KRT73: variants seen among roughly 807,000 people sequenced by gnomAD.
KRT73 encodes keratin 73, also known as keratin, type II cytoskeletal 73.
Under a neutral mutation model 47.2 loss-of-function variants are expected in KRT73, and 44 were observed. The observed-to-expected ratio is 0.93, with a 90% CI of 0.73 to 1.20. The LOEUF (loss-of-function observed/expected upper bound fraction) is 1.20, where lower values mean the gene tolerates loss of function less well. KRT73 is among the 50% of genes most tolerant of loss of function. The probability of loss-of-function intolerance (pLI) is 0.00; values close to 1 mark genes in which losing one functional copy is unlikely to be tolerated. For missense variants in KRT73, 713 were observed against 704.5 expected (o/e 1.01, Z -0.14); for synonymous variants, 285 against 291.3 (o/e 0.98, Z 0.22).
intron 6 of KRT73, 152 bp from the exon 7 acceptor site, chr12:52,610,987 A>T (rs1253206252): frequency 2.3e-6 from 2 of 882,486 alleles, no homozygotes; most frequent in Non-Finnish European, 3.4e-6. Flanking sequence ...TCAACCTGAG[A>T]CTGAGAGGCT....
At chr12:52,614,162 C>A in intron 4 of KRT73, 1 of 354,828 alleles carries the variant, frequency 2.8e-6, no homozygotes, top group East Asian at 5.1e-5. Flanking sequence ...CACAGGAGCC[C>A]AGAAATGCTT....
Position 52,610,726 on chromosome 12 carries a change from T to C in KRT73, c.1220A>G (p.Lys407Arg). 1 of 1,613,998 alleles carries C rather than the reference T, an allele frequency of 6.2e-7. No homozygotes were observed. Among genetic ancestry groups the C allele is most frequent in the South Asian group, 1.1e-5 (1 of 91,062 alleles). Residue 407 changes from lysine to arginine, a missense_variant, in exon 7 of 9, where the codon AAG (lysine) becomes AGG (arginine). Coordinates refer to ENST00000305748, the MANE Select transcript of KRT73 (RefSeq NM_175068.3). ...DELEGALQQA[K>R]EELARMLREY... Reference sequence around the variant, plus strand: ...GCGCAGCATCCGTGCCAGCTCCTCCTTGGCCTGCTGCAGGGCGCCCTCCAG... The same window carrying C: ...GCGCAGCATCCGTGCCAGCTCCTCCCTGGCCTGCTGCAGGGCGCCCTCCAG...
rs149885695 is a variant in KRT73 at position 52,618,295 on chromosome 12, C to T, written c.230G>A (p.Arg77Gln). Reference sequence around the variant, plus strand: ...CATGCTGCCAGCAAAGCCACTGGCCCGGCCCCGGCCAAATCCATAGCCTCC... The same window carrying T: ...CATGCTGCCAGCAAAGCCACTGGCCTGGCCCCGGCCAAATCCATAGCCTCC... ...WAGGYGFGRG[R>Q]ASGFAGSMFG... is the part of the protein sequence containing the mutation. The change falls in exon 1 of 9, where the codon CGG becomes CAG. Residue 77 changes from arginine to glutamine, a missense_variant. By Grantham distance (43) the Arg-to-Gln change is conservative (BLOSUM62 1). Coordinates refer to ENST00000305748, the MANE Select transcript of KRT73 (RefSeq NM_175068.3). 17 of 1,614,092 alleles carry T rather than the reference C, an allele frequency of 1.1e-5. No homozygotes were observed. Among genetic ancestry groups the T allele is most frequent in the African/African-American group, 1.3e-5 (1 of 74,934 alleles).
At chr12:52,625,428 A>C in the KRT73 span, among the ~76,000 whole-genome samples, 14 of 152,232 alleles carry the variant, frequency 9.2e-5, no homozygotes, top group African/African-American at 3.1e-4. Flanking sequence ...TTTAAGCCAC[A>C]ATGAGATATT....
intron 5 of KRT73, among the ~76,000 whole-genome samples, chr12:52,613,035 C>G (rs764030960): frequency 1.3e-5 from 2 of 152,184 alleles, no homozygotes; most frequent in African/African-American, 2.4e-5. Flanking sequence ...GAAAGCCTCT[C>G]TCCTCCACCA....
chr12:52,612,496 A>G (rs915101586), intron 5 of KRT73: 2 of 152,176 alleles, frequency 1.3e-5, no homozygotes, highest in Admixed American at 1.3e-4. Flanking sequence ...ATGTCAAGTT[A>G]TCCAGAAAGC....
At position 52,610,536 on chromosome 12, in the gene KRT73, C is replaced by A. The variant is rs1192943306; in HGVS notation, c.1331+79G>T. 4 of 163,052 alleles carry A rather than the reference C, an allele frequency of 2.5e-5. 1 individual carries two copies. Among genetic ancestry groups the A allele is most frequent in the Non-Finnish European group, 5.2e-5 (4 of 76,630 alleles). The allele number at this position is 163,052 out of a possible 1,614,324, so 10.1% of individuals were successfully genotyped here. Reference sequence around the variant, plus strand: ...ACACATCGCCAGCTCGCCGCCCCCTCCCCCCCGCCCCCAACCACACTCTGG... The same window carrying A: ...ACACATCGCCAGCTCGCCGCCCCCTACCCCCCGCCCCCAACCACACTCTGG... On this transcript the variant is annotated intron_variant, in intron 7 of 8. Transcript: ENST00000305748.
upstream of KRT73, among the ~76,000 whole-genome samples, chr12:52,620,635 A>T (rs955694307): frequency 4.6e-5 from 7 of 152,144 alleles, no homozygotes; most frequent in Non-Finnish European, 7.3e-5. Flanking sequence ...TGTGAATGCC[A>T]ACTCTGCAGT....
At chr12:52,608,810 G>T (rs542530797) in intron 8 of KRT73, among the ~76,000 whole-genome samples, 7 of 152,212 alleles carry the variant, frequency 4.6e-5, no homozygotes, top group Non-Finnish European at 1.0e-4. Context: ...AAATTAGGGA[G>T]TTTCTGCTGG....
In KRT73 at chr12:52,607,943, T is replaced by G. The variant is rs1017343308; in HGVS notation, c.*253A>C. ...ACATGCAGGCAGAGAAAAGGCCAAG[T>G]CTTCTTCCAGAAGGGGAGGCTGAGT... is the stretch of plus-strand genomic sequence containing the variant. On this transcript the variant is annotated 3_prime_UTR_variant, in exon 9 of 9. Transcript: ENST00000305748. 8.6e-6 allele frequency: 4 copies of G among 467,176 alleles called. No homozygotes were observed. The highest frequency in any genetic ancestry group is 3.8e-5 in the East Asian group (1 of 26,548). The allele number at this position is 467,176 out of a possible 1,614,324, so 28.9% of individuals were successfully genotyped here. A position where few individuals can be genotyped will look rare whatever the true frequency, so the allele number is the denominator to read the frequency against.
intron 2 of KRT73, 43 bp downstream of exon 2, chr12:52,616,123 T>C (rs1207785337): frequency 6.2e-7 from 1 of 1,609,688 alleles, no homozygotes; most frequent in Admixed American, 1.7e-5. Context: ...TGGGAAAGCC[T>C]CACCCTGGGA....
upstream of KRT73, chr12:52,618,665 C>A (rs1940861239): frequency 1.2e-6 from 1 of 844,876 alleles, no homozygotes; most frequent in East Asian, 2.8e-5. Flanking sequence ...TGCCTGGAAG[C>A]AAGAAATCAT....
chr12:52,628,465 G>A, the KRT73 span, among the ~76,000 whole-genome samples: 155 of 152,302 alleles, frequency 1.0e-3, no homozygotes, highest in African/African-American at 3.3e-3. Context: ...CTCTGCCTTA[G>A]AATAGGTCAT....
intron 1 of KRT73, among the ~76,000 whole-genome samples, chr12:52,617,130 A>G (rs184139617): frequency 4.4e-4 from 67 of 152,110 alleles, no homozygotes; most frequent in African/African-American, 1.5e-3. Context: ...TCCCCAGACA[A>G]GTTCTACCAT....
the KRT73 span, among the ~76,000 whole-genome samples, chr12:52,624,377 A>G: frequency 0.41 from 62,173 of 151,858 alleles, 13,306 homozygotes; most frequent in African/African-American, 0.44. Flanking sequence ...TATCAAGGAT[A>G]TAAAAGAACT....
intron 5 of KRT73, among the ~76,000 whole-genome samples, chr12:52,611,983 A>G (rs1450976888): frequency 6.6e-6 from 1 of 152,152 alleles, no homozygotes; most frequent in Non-Finnish European, 1.5e-5. Flanking sequence ...ACCTGTTTCC[A>G]TGTGTTCTCC....
At chr12:52,615,814 A>C (rs1592244915) in intron 2 of KRT73, among the ~76,000 whole-genome samples, 1 of 151,236 alleles carries the variant, frequency 6.6e-6, no homozygotes, top group African/African-American at 2.4e-5. Context: ...CAGGAACTCC[A>C]CCTCCTTCCC....
rs758922991 is a variant in KRT73, at chr12:52,614,573, C to G, written c.819+6G>C. 6.2e-7 allele frequency: 1 copy of G among 1,608,956 alleles called. No homozygotes were observed. Among genetic ancestry groups the G allele is most frequent in the Non-Finnish European group, 8.5e-7 (1 of 1,176,284 alleles). On this transcript the variant is annotated splice_donor_region_variant and intron_variant, in intron 4 of 8. Transcript: ENST00000305748. ...AGAGCCAGAGGTGGGGCAGGGGGAG[C>G]CTTACCCCCTCGTACAGACACTTGA...
the KRT73 span, among the ~76,000 whole-genome samples, chr12:52,629,404 TC>T: frequency 0.31 from 46,998 of 151,974 alleles, 7,717 homozygotes; most frequent in African/African-American, 0.41. Context: ...GGTCTCCCCT[TC>T]CCCCACGTGG....
Sources: allele counts gnomAD v4.1 joint callset (sites outside exome capture counted in the v4.1 genomes callset), GRCh38; gene constraint gnomAD v4.1.1; transcripts MANE v1.5; gene names NCBI Gene and HGNC (gene_info 2026-07-23, HGNC 2026-07-21).